USP13: variants seen among roughly 807,000 people sequenced by gnomAD.
The protein encoded by USP13 is ubiquitin specific peptidase 13, also known as ubiquitin carboxyl-terminal hydrolase 13.
USP13 carries 68 observed loss-of-function variants against 107.8 expected under a neutral mutation model. The ratio of observed to expected loss-of-function variants is 0.63; its 90% CI spans 0.52 to 0.77. USP13 has a LOEUF of 0.77. USP13 is among the 30% of genes least tolerant of loss of function. The pLI is 0.00. For missense variants in USP13, 945 were observed against 1,093.3 expected (o/e 0.86, Z 1.91); for synonymous variants, 377 against 389.5 (o/e 0.97, Z 0.38).
In USP13 at chr3:179,668,363, G is replaced by T. The variant is rs1003652469; in HGVS notation, c.169-13515G>T. 5.3e-5 allele frequency among the ~76,000 whole-genome samples: 8 copies of T among 152,236 alleles called. No individual in the cohort carries two copies. In the East Asian group the frequency reaches 1.5e-3, roughly 29 times the overall value. Reference sequence around the variant, plus strand: ...GCCACAGATGTTTTATCAGTGTTTAGCAGTAAGGCCTATACTCTCCTGGGA... The same window carrying T: ...GCCACAGATGTTTTATCAGTGTTTATCAGTAAGGCCTATACTCTCCTGGGA... On this transcript the variant is annotated intron_variant, in intron 1 of 20. Transcript: ENST00000263966.
chr3:179,730,363 A>G, intron 9 of USP13, 103 bp downstream of exon 9: 1 of 1,225,532 alleles, frequency 8.2e-7, no homozygotes, highest in Non-Finnish European at 1.2e-6. Flanking sequence ...TTCTTCATGT[A>G]TTTTTAAAAA....
At chr3:179,718,702 C>T (rs530283428) in intron 6 of USP13, among the ~76,000 whole-genome samples, 1 of 152,210 alleles carries the variant, frequency 6.6e-6, no homozygotes, top group African/African-American at 2.4e-5. Context: ...CTGAAGATCT[C>T]GTTAAAAATG....
In USP13 at chr3:179,728,699, A is replaced by C. The variant is rs7432052; in HGVS notation, c.1089-1490A>C. Among the ~76,000 whole-genome samples, 709 of 152,300 alleles carry C rather than the reference A, an allele frequency of 4.7e-3. 7 individuals carry two copies. The highest frequency in any genetic ancestry group is 0.016 in the African/African-American group (677 of 41,574). ...CACTCCAGCCTGGGCACCATTGAGC[A>C]CTGAGTGAAGGAGACTCCGTCTGCA... is the stretch of plus-strand genomic sequence containing the variant. On this transcript the variant is annotated intron_variant, in intron 8 of 20. Transcript: ENST00000263966.
At chr3:179,716,896 T>TA (rs1368260289) in intron 6 of USP13, among the ~76,000 whole-genome samples, 1 of 152,246 alleles carries the variant, frequency 6.6e-6, no homozygotes, top group East Asian at 1.9e-4. Context: ...ATTCTTGTTC[T>TA]AAAATTTTTT....
chr3:179,672,540 A>G (rs1720780250), intron 1 of USP13, among the ~76,000 whole-genome samples: 1 of 151,492 alleles, frequency 6.6e-6, no homozygotes, highest in African/African-American at 2.4e-5. Flanking sequence ...GTGTACCACC[A>G]TGCGCGGCTA....
chr3:179,742,437 T>C lies in USP13; in HGVS notation c.1534+87T>C. On this transcript the variant is annotated intron_variant, in intron 12 of 20. Coordinates refer to ENST00000263966, the MANE Select transcript of USP13 (RefSeq NM_003940.3). This position sits in a 1 kb window ranked among gnomAD's most constrained non-coding sequence, Gnocchi z 5.0. The stretch of plus-strand genomic sequence containing the variant: ...AGAGAGAATGGTTTAGTCACTGAAG[T>C]GTGTCAGGAGTAGACCCAGCCCAGG... 1 of 1,551,190 alleles carries C rather than the reference T, an allele frequency of 6.4e-7. No homozygotes were observed. The highest frequency in any genetic ancestry group is 8.8e-7 in the Non-Finnish European group (1 of 1,138,976).
intron 20 of USP13, among the ~76,000 whole-genome samples, chr3:179,782,117 G>GT: frequency 6.6e-6 from 1 of 152,252 alleles, no homozygotes; most frequent in African/African-American, 2.4e-5. Flanking sequence ...AATGTATGCT[G>GT]TAATTGGAAC....
chr3:179,743,458 G>T (rs1188586809), intron 12 of USP13, among the ~76,000 whole-genome samples: 1 of 151,840 alleles, frequency 6.6e-6, no homozygotes, highest in Admixed American at 6.6e-5. Flanking sequence ...CTTGTGTGTG[G>T]GGGGTGGTGG....
intron 16 of USP13, 90 bp from the exon 17 acceptor site, chr3:179,761,022 G>T (rs1027833784): frequency 6.7e-7 from 1 of 1,495,160 alleles, no homozygotes. Flanking sequence ...ACTTTCTTTG[G>T]GTAGCATGTG....
At chr3:179,719,145 A>C (rs945475444) in intron 6 of USP13, among the ~76,000 whole-genome samples, 2 of 152,162 alleles carry the variant, frequency 1.3e-5, no homozygotes, top group African/African-American at 4.8e-5. Context: ...TCCGGAGGAA[A>C]GAGGCAGCCC....
At chr3:179,775,240 G>C (rs952167527) in intron 19 of USP13, among the ~76,000 whole-genome samples, 3 of 152,124 alleles carry the variant, frequency 2.0e-5, no homozygotes, top group Non-Finnish European at 4.4e-5. Context: ...CAAACCTTTA[G>C]CTAGACACAG....
intron 10 of USP13, among the ~76,000 whole-genome samples, chr3:179,736,014 T>C (rs1037412164): frequency 2.0e-5 from 3 of 152,188 alleles, no homozygotes; most frequent in African/African-American, 7.2e-5. Flanking sequence ...CCATCCAGCC[T>C]GGGCAACAGC....
intron 3 of USP13, among the ~76,000 whole-genome samples, chr3:179,700,685 G>A (rs996497010): frequency 2.6e-5 from 4 of 152,176 alleles, no homozygotes; most frequent in African/African-American, 4.8e-5. Flanking sequence ...CTTTTTAAGA[G>A]TTTCTAAGAA....
intron 10 of USP13, among the ~76,000 whole-genome samples, chr3:179,737,570 G>T (rs896620654): frequency 6.6e-6 from 1 of 152,186 alleles, no homozygotes; most frequent in Non-Finnish European, 1.5e-5. Flanking sequence ...GTTTCAGGAG[G>T]TGTATATACA....
intron 8 of USP13, among the ~76,000 whole-genome samples, chr3:179,727,219 G>T (rs1191602725): frequency 7.3e-6 from 1 of 137,600 alleles, no homozygotes; most frequent in Non-Finnish European, 1.5e-5. Flanking sequence ...CGCAGAGGGG[G>T]ATTTGGCAGG....
rs954229709 is a variant in USP13, at chr3:179,787,264, A to G, written c.*3123A>G. 5 of 152,222 alleles carry G rather than the reference A, an allele frequency of 3.3e-5. No homozygotes were observed. Among genetic ancestry groups the G allele is most frequent in the African/African-American group, 9.7e-5 (4 of 41,440 alleles). 9.4% of individuals were successfully genotyped at this position (152,222 alleles called of 1,614,324 possible). A position where few individuals can be genotyped will look rare whatever the true frequency, so the allele number is the denominator to read the frequency against. The stretch of plus-strand genomic sequence containing the variant: ...TTACCTGAACAGAGCCTTACCTGCA[A>G]TTCATAGTGAGAGCACCTGGGTCTG... On this transcript the variant is annotated 3_prime_UTR_variant, in exon 21 of 21. Transcript: ENST00000263966.
At chr3:179,701,846 T>C (rs1419290888) in intron 4 of USP13, among the ~76,000 whole-genome samples, 2 of 152,182 alleles carry the variant, frequency 1.3e-5, no homozygotes, top group African/African-American at 4.8e-5. Context: ...CTGGATCTGC[T>C]GGTAGTGATA....
In USP13 at chr3:179,721,828, T is replaced by C. The variant is rs1473439094; in HGVS notation, c.1088+239T>C. Among the ~76,000 whole-genome samples, 1 of 151,930 alleles carries C rather than the reference T, an allele frequency of 6.6e-6. No individual in the cohort carries two copies. Among genetic ancestry groups the C allele is most frequent in the African/African-American group, 2.4e-5 (1 of 41,342 alleles). On this transcript the variant is annotated intron_variant, in intron 8 of 20. Coordinates refer to ENST00000263966, the MANE Select transcript of USP13 (RefSeq NM_003940.3). This position sits in a 1 kb window ranked among gnomAD's most constrained non-coding sequence, Gnocchi z 4.3. ...GTCTAACGCCTGTAATCTCAGCACT[T>C]TGGGAGGCCGAGGCGGGCAGATCAC...
intron 3 of USP13, among the ~76,000 whole-genome samples, chr3:179,700,429 ATG>A (rs1171471431): frequency 1.3e-5 from 2 of 152,086 alleles, no homozygotes; most frequent in African/African-American, 4.8e-5. Context: ...TGTATAAACT[ATG>A]TGAGATACAT....
Sources: allele counts gnomAD v4.1 joint callset (sites outside exome capture counted in the v4.1 genomes callset), GRCh38; gene constraint gnomAD v4.1.1; non-coding constraint Gnocchi (gnomAD v3.1); transcripts MANE v1.5; gene names NCBI Gene and HGNC (gene_info 2026-07-23, HGNC 2026-07-21).